WDR24: variants seen among roughly 807,000 people sequenced by gnomAD.
The protein encoded by WDR24 is GATOR2 complex protein WDR24.
In WDR24, 32 loss-of-function variants were observed where a neutral mutation model predicts 66.7. The ratio of observed to expected loss-of-function variants is 0.48; its 90% CI spans 0.36 to 0.64. The LOEUF (loss-of-function observed/expected upper bound fraction) is 0.64. Ranked by LOEUF, WDR24 falls within the 30% of genes least tolerant of loss-of-function variation. The pLI, the probability that WDR24 is intolerant of heterozygous loss-of-function variation, is 0.00. For synonymous variants in WDR24, 565 were observed against 469.1 expected (o/e 1.20, Z -2.64); for missense variants, 978 against 1,144.1 (o/e 0.85, Z 2.09).
rs764367918 is a variant in WDR24, at chr16:684,688, C to G, written c.*46G>C. The G allele has an allele frequency of 2.3e-4, 357 of 1,527,362 alleles. No individual in the cohort carries two copies. The highest frequency in any genetic ancestry group is 3.0e-4 in the Non-Finnish European group (345 of 1,138,818). 94.6% of individuals were successfully genotyped at this position (1,527,362 alleles called of 1,614,324 possible). Reference sequence around the variant, plus strand: ...CGCCCGTCTCGGGCACAAGACCAGGCGGGGTTCTGCACGCGGCCGCCCGGG... The same window carrying G: ...CGCCCGTCTCGGGCACAAGACCAGGGGGGGTTCTGCACGCGGCCGCCCGGG... On this transcript the variant is annotated 3_prime_UTR_variant, in exon 9 of 9. Transcript: ENST00000293883.
intron 3 of WDR24, 88 bp from the exon 4 acceptor site, chr16:686,274 C>G: frequency 7.0e-7 from 1 of 1,431,350 alleles, no homozygotes; most frequent in Non-Finnish European, 9.5e-7. Context: ...CACAAGCCCT[C>G]AGCATTCAGC....
In WDR24 at chr16:685,411, G is replaced by A; in HGVS notation, c.1865C>T (p.Ala622Val). The A allele has an allele frequency of 1.9e-6, 3 of 1,612,546 alleles. No individual in the cohort carries two copies. The highest frequency in any genetic ancestry group is 1.7e-6 in the Non-Finnish European group (2 of 1,179,776). The change falls in exon 7 of 9, where the codon GCG (alanine) becomes GTG (valine). Residue 622 changes from alanine (A) to valine (V), a missense_variant. By Grantham distance (64) the Ala-to-Val change is moderately conservative (BLOSUM62 0). Around this residue, in one of 2 missense-constraint regions of WDR24, gnomAD observed 676 missense variants for 617.5 expected, o/e 1.09. Transcript: ENST00000293883. The stretch of plus-strand genomic sequence containing the variant: ...GGGCGGCAGGCGGCTGTCGTAGAGC[G>A]CGTGTGAGACAGACAGGAGCGAGAA... ...SSFSLLSVSH[A>V]LYDSRLPPDF...
intron 6 of WDR24, 31 bp downstream of exon 6, chr16:685,648 T>C: frequency 6.2e-7 from 1 of 1,612,146 alleles, no homozygotes; most frequent in African/African-American, 1.3e-5. Flanking sequence ...CATCCGCCTC[T>C]GAACCCCACC....
intron 1 of WDR24, chr16:688,175 C>A: frequency 2.3e-6 from 1 of 435,726 alleles, no homozygotes; most frequent in Non-Finnish European, 4.7e-6. Context: ...ACTGCCTGGT[C>A]AGCCCCAAAG....
rs762011921 is a variant in WDR24 at position 687,849 on chromosome 16, G to T, written c.482-110C>A. On this transcript the variant is annotated intron_variant, in intron 1 of 8. Coordinates refer to ENST00000293883, the MANE Select transcript of WDR24 (RefSeq NM_032259.4). ...CACCTGCCTGTGGCCCAGAACAGAG[G>T]CCCAGAGGGTAGAGTGGACATCCCC... The T allele has an allele frequency of 2.1e-6, 3 of 1,412,384 alleles. No individual in the cohort carries two copies. The South Asian group carries it at 3.7e-5, about 17-fold the overall frequency. The allele number at this position is 1,412,384 out of a possible 1,614,324, so 87.5% of individuals were successfully genotyped here. A position where few individuals can be genotyped will look rare whatever the true frequency, so the allele number is the denominator to read the frequency against.
rs746321366 is a variant in WDR24 at position 686,162 on chromosome 16, G to C, written c.1357C>G (p.Arg453Gly). 1 of 1,612,888 alleles carries C rather than the reference G, an allele frequency of 6.2e-7. No individual in the cohort carries two copies. The highest frequency in any genetic ancestry group is 1.7e-5 in the Admixed American group (1 of 59,996). ...NQVAQTWTMLRIIYCSPGLVP... is the reference protein window; with the variant it reads ...NQVAQTWTMLGIIYCSPGLVP... ...AGGCCAGGGCTGCAGTAGATGATCC[G>C]CAGCATGGTCCACGTTTGCGCCACC... Residue 453 changes from arginine to glycine, a missense_variant, in exon 4 of 9, where the codon CGG (arginine) becomes GGG (glycine). Physicochemically the swap from Arg to Gly is moderately radical, Grantham distance 125. Transcript: ENST00000293883.
intron 1 of WDR24, chr16:688,158 A>G: frequency 2.3e-6 from 1 of 444,264 alleles, no homozygotes; most frequent in Non-Finnish European, 4.6e-6. Context: ...CTTCACCTGG[A>G]GCTGGAACTG....
rs767381220 is a variant in WDR24, at chr16:687,392, G to A, written c.684C>T (p.Arg228=). The change falls in exon 3 of 9, where the codon CGC becomes CGT. Residue 228 remains arginine, a synonymous_variant. Transcript: ENST00000293883. ...EDRGWLATGG[R]DKMVKVWDMT... is the part of the protein sequence containing the mutation. ...TGTCCCAGACCTTCACCATCTTGTC[G>A]CGCCCTCCAGTGGCCAACCAGCCCC... is the stretch of plus-strand genomic sequence containing the variant. The A allele has an allele frequency of 3.3e-5, 53 of 1,590,844 alleles. No individual in the cohort carries two copies. The highest frequency in any genetic ancestry group is 2.7e-4 in the East Asian group (12 of 44,456).
Position 685,367 on chromosome 16 carries a change from C to G in WDR24, c.1909G>C (p.Val637Leu). ...RLPPDFFGVLVRDMLHFYAEQ... is the reference protein window; with the variant it reads ...RLPPDFFGVLLRDMLHFYAEQ... Reference sequence around the variant, plus strand: ...GCGTAGAAGTGCAGCATGTCGCGCACCAGCACGCCGAAGAAGTCGGGCGGC... The same window carrying G: ...GCGTAGAAGTGCAGCATGTCGCGCAGCAGCACGCCGAAGAAGTCGGGCGGC... Residue 637 changes from valine (V) to leucine (L), a missense_variant, in exon 7 of 9, where the codon GTG (valine) becomes CTG (leucine). Physicochemically the swap from Val to Leu is conservative, Grantham distance 32 (BLOSUM62 1). Coordinates refer to ENST00000293883, the MANE Select transcript of WDR24 (RefSeq NM_032259.4). 4 of 1,612,044 alleles carry G rather than the reference C, an allele frequency of 2.5e-6. No individual in the cohort carries two copies. The highest frequency in any genetic ancestry group is 3.4e-6 in the Non-Finnish European group (4 of 1,179,876).
chr16:689,615 G>A lies in WDR24; in HGVS notation c.26C>T (p.Thr9Ile). 1 of 1,612,724 alleles carries A rather than the reference G, an allele frequency of 6.2e-7. No homozygotes were observed. Among genetic ancestry groups the A allele is most frequent in the Non-Finnish European group, 8.5e-7 (1 of 1,179,894 alleles). MEKMSRVT[T>I]ALGGSVLTGR... ...TGTCAGCACGCTGCCACCCAGGGCTGTGGTCACACGGGACATCTTCTCCAT... is the reference window on the plus strand; with the variant it reads ...TGTCAGCACGCTGCCACCCAGGGCTATGGTCACACGGGACATCTTCTCCAT... The change falls in exon 1 of 9, where the codon ACA (threonine) becomes ATA (isoleucine). Residue 9 changes from threonine (T) to isoleucine (I), a missense_variant. Around this residue, in one of 2 missense-constraint regions of WDR24, gnomAD observed 302 missense variants for 526.6 expected, o/e 0.57. Coordinates refer to ENST00000293883, the MANE Select transcript of WDR24 (RefSeq NM_032259.4).
At chr16:684,935 G>A (rs1229459473) in intron 8 of WDR24, 33 bp from the exon 9 acceptor site, 57 of 1,535,962 alleles carry the variant, frequency 3.7e-5, no homozygotes, top group Non-Finnish European at 4.5e-5. Flanking sequence ...GTGCCTCAGC[G>A]GGGGCTGCTG....
chr16:685,761 G>A lies in WDR24; in HGVS notation c.1596C>T (p.Ser532=), dbSNP rs745457699. 1.9e-6 allele frequency: 3 copies of A among 1,613,044 alleles called. No individual in the cohort carries two copies. The highest frequency in any genetic ancestry group is 1.3e-5 in the African/African-American group (1 of 74,918). Residue 532 remains serine (S), a synonymous_variant, in exon 6 of 9, where the codon AGC becomes AGT. Coordinates refer to ENST00000293883, the MANE Select transcript of WDR24 (RefSeq NM_032259.4). ...TNEDNEETEG[S]DVPADYLLGD... Reference sequence around the variant, plus strand: ...CCAGCAGGTAGTCGGCAGGTACGTCGCTGCCCTCGGTTTCCTCGTTATCTG... The same window carrying A: ...CCAGCAGGTAGTCGGCAGGTACGTCACTGCCCTCGGTTTCCTCGTTATCTG...
rs902701703 is a variant in WDR24, at chr16:689,065, G to A, written c.481+95C>T. 9.1e-6 allele frequency: 14 copies of A among 1,543,482 alleles called. No homozygotes were observed. The East Asian group carries it at 2.9e-4, about 32-fold the overall frequency. The stretch of plus-strand genomic sequence containing the variant: ...GGAAGCCCTCTGGGAGTGATCCTGA[G>A]GGCCTCTGATGCACGGAGCCCTTTT... On this transcript the variant is annotated intron_variant, in intron 1 of 8. Coordinates refer to ENST00000293883, the MANE Select transcript of WDR24 (RefSeq NM_032259.4).
At position 685,948 on chromosome 16, in the gene WDR24, C is replaced by T. The variant is rs149660369; in HGVS notation, c.1494G>A (p.Thr498=). The T allele has an allele frequency of 3.5e-5, 57 of 1,613,044 alleles. No homozygotes were observed. Among genetic ancestry groups the T allele is most frequent in the African/African-American group, 2.5e-4 (19 of 74,920 alleles). ...CATCTCCTTTGCTGCGGTCCAGCCG[C>T]GTCTCACTGCCCAACCCTGGGGCCA... The part of the protein sequence containing the change: ...KDMAPGLGSE[T]RLDRSKGDAR... The change falls in exon 5 of 9, where the codon ACG becomes ACA. Residue 498 remains threonine, a synonymous_variant. Transcript: ENST00000293883.
At chr16:689,044 G>A (rs949813461) in intron 1 of WDR24, 116 bp downstream of exon 1, 4 of 1,473,590 alleles carry the variant, frequency 2.7e-6, no homozygotes, top group African/African-American at 2.8e-5. Flanking sequence ...CCCTGAGGAA[G>A]CCCTCTGGGA....
At position 689,548 on chromosome 16, in the gene WDR24, G is replaced by A. The variant is rs752730200; in HGVS notation, c.93C>T (p.Ala31=). ...MHCHLDAPAN[A]ISVCRDAAQV... ...GGGCTGCGTCGCGGCACACACTGATGGCATTGGCGGGAGCATCCAGGTGGC... is the reference window on the plus strand; with the variant it reads ...GGGCTGCGTCGCGGCACACACTGATAGCATTGGCGGGAGCATCCAGGTGGC... The change falls in exon 1 of 9, where the codon GCC becomes GCT. Residue 31 remains alanine (A), a synonymous_variant. Transcript: ENST00000293883. 16 of 1,613,042 alleles carry A rather than the reference G, an allele frequency of 9.9e-6. No homozygotes were observed. Among genetic ancestry groups the A allele is most frequent in the South Asian group, 1.1e-5 (1 of 91,094 alleles).
In WDR24 at chr16:686,162, G is replaced by A. The variant is rs746321366; in HGVS notation, c.1357C>T (p.Arg453Trp). 2 of 1,612,770 alleles carry A rather than the reference G, an allele frequency of 1.2e-6. No individual in the cohort carries two copies. Among genetic ancestry groups the A allele is most frequent in the African/African-American group, 1.3e-5 (1 of 74,918 alleles). Reference sequence around the variant, plus strand: ...AGGCCAGGGCTGCAGTAGATGATCCGCAGCATGGTCCACGTTTGCGCCACC... The same window carrying A: ...AGGCCAGGGCTGCAGTAGATGATCCACAGCATGGTCCACGTTTGCGCCACC... ...NQVAQTWTML[R>W]IIYCSPGLVP... is the part of the protein sequence containing the mutation. Residue 453 changes from arginine to tryptophan, a missense_variant, in exon 4 of 9, where the codon CGG becomes TGG. Arg to Trp is a moderately radical substitution (Grantham distance 101, BLOSUM62 -3). Around this residue, in one of 2 missense-constraint regions of WDR24, gnomAD observed 676 missense variants for 617.5 expected, o/e 1.09. Coordinates refer to ENST00000293883, the MANE Select transcript of WDR24 (RefSeq NM_032259.4).
Position 689,343 on chromosome 16 carries a change from C to T in WDR24, c.298G>A (p.Val100Ile), listed in dbSNP as rs1218162637. The T allele has an allele frequency of 5.0e-6, 8 of 1,613,674 alleles. No individual in the cohort carries two copies. Among genetic ancestry groups the T allele is most frequent in the Non-Finnish European group, 6.8e-6 (8 of 1,180,016 alleles). Reference sequence around the variant, plus strand: ...GATGGCCGGCCCAGGTTCCACGTGACCACCACGCCATTGGTGGCTGCTGTG... The same window carrying T: ...GATGGCCGGCCCAGGTTCCACGTGATCACCACGCCATTGGTGGCTGCTGTG... ...LATAATNGVV[V>I]TWNLGRPSRN... The change falls in exon 1 of 9, where the codon GTC becomes ATC. Residue 100 changes from valine (V) to isoleucine (I), a missense_variant. Transcript: ENST00000293883.
rs780636695 is a variant in WDR24 at position 687,666 on chromosome 16, G to A, written c.555C>T (p.Asn185=). 2.9e-5 allele frequency: 46 copies of A among 1,613,524 alleles called. No homozygotes were observed. The highest frequency in any genetic ancestry group is 3.1e-5 in the Non-Finnish European group (36 of 1,180,030). ...GGATGTCCCAGAGCTGCACATTGCC[G>A]TTCTCAAAGGTGGAGGCGAAGGTGA... is the stretch of plus-strand genomic sequence containing the variant. ...DYFTFASTFE[N]GNVQLWDIRR... The change falls in exon 2 of 9, where the codon AAC becomes AAT. Residue 185 remains asparagine, a synonymous_variant. Transcript: ENST00000293883.
Sources: allele counts gnomAD v4.1 joint callset, GRCh38; gene constraint gnomAD v4.1.1; regional missense constraint gnomAD v4.1.1; transcripts MANE v1.5; gene names NCBI Gene and HGNC (gene_info 2026-07-23, HGNC 2026-07-21).